The following DDX52 variants were observed in gnomAD, a reference collection of about 807,000 sequenced individuals.
DDX52 encodes the protein probable ATP-dependent RNA helicase DDX52.
Under a neutral mutation model 76.1 loss-of-function variants are expected in DDX52, and 59 were observed. The observed-to-expected ratio is 0.78, with a 90% confidence interval of 0.63 to 0.96. DDX52 has a LOEUF of 0.96. Among genes scored for constraint, DDX52 ranks in the 40% least tolerant of loss-of-function variants. The pLI is 0.00. For missense variants in DDX52, 707 were observed against 703.9 expected (o/e 1.00, Z -0.05); for synonymous variants, 231 against 244.1 (o/e 0.95, Z 0.50).
intron 13 of DDX52, 64 bp downstream of exon 13, chr17:37,619,704 A>G (rs78080022): frequency 7.0e-7 from 1 of 1,419,098 alleles, no homozygotes; most frequent in South Asian, 1.3e-5. Flanking sequence ...AGAGCAAGAA[A>G]AAAAAAAAAA....
Position 37,611,446 on chromosome 17 carries a change from T to C in DDX52, c.*2850A>G, listed in dbSNP as rs1428050991. The C allele has an allele frequency of 6.6e-6, 1 of 152,200 alleles. No individual in the cohort carries two copies. The highest frequency in any genetic ancestry group is 1.5e-5 in the Non-Finnish European group (1 of 68,040). The allele number at this position is 152,200 out of a possible 1,614,324, so 9.4% of individuals were successfully genotyped here. ...GAAATAAAGTATTTTTCTACAGCTG[T>C]ACATTTGCATTTTAGGCTAAGTGTT... On this transcript the variant is annotated 3_prime_UTR_variant, in exon 15 of 15. Coordinates refer to ENST00000617633, the MANE Select transcript of DDX52 (RefSeq NM_007010.5).
At chr17:37,632,685 G>C (rs1352291322) in intron 3 of DDX52, among the ~76,000 whole-genome samples, 1 of 152,168 alleles carries the variant, frequency 6.6e-6, no homozygotes, top group Non-Finnish European at 1.5e-5. Flanking sequence ...GAGTCTAGTA[G>C]TGTTGATTTG....
chr17:37,628,530 T>A, intron 6 of DDX52, 31 bp downstream of exon 6: 3 of 1,488,428 alleles, frequency 2.0e-6, no homozygotes, highest in Non-Finnish European at 2.8e-6. Flanking sequence ...CCTTACATGC[T>A]CTATCTACAT....
chr17:37,624,300 C>T, intron 9 of DDX52, 44 bp downstream of exon 9: 4 of 1,514,218 alleles, frequency 2.6e-6, no homozygotes, highest in Non-Finnish European at 3.6e-6. Flanking sequence ...TAATATAAGA[C>T]TTGGCAAACT....
Position 37,642,127 on chromosome 17 carries a change from C to T in DDX52, c.269G>A (p.Arg90Lys), listed in dbSNP as rs2031228900. 2 of 1,613,204 alleles carry T rather than the reference C, an allele frequency of 1.2e-6. No homozygotes were observed. The highest frequency in any genetic ancestry group is 1.7e-6 in the Non-Finnish European group (2 of 1,179,846). ...ACACTAACCTGAAGTCATCGTCTTC[C>T]TTTTTTTCTTGCTCTGCTCCCTCTT... ...ERKREQSKKK[R>K]KTMTSEIASQ... Residue 90 changes from arginine to lysine, a missense_variant, in exon 2 of 15, where the codon AGG becomes AAG. Arg to Lys is a conservative substitution (Grantham distance 26). Coordinates refer to ENST00000617633, the MANE Select transcript of DDX52 (RefSeq NM_007010.5).
Position 37,626,110 on chromosome 17 carries a change from C to A in DDX52, c.933-12G>T. The A allele has an allele frequency of 6.2e-7, 1 of 1,613,806 alleles. No individual in the cohort carries two copies. Among genetic ancestry groups the A allele is most frequent in the Non-Finnish European group, 8.5e-7 (1 of 1,179,820 alleles). On this transcript the variant is annotated splice_polypyrimidine_tract_variant and intron_variant, in intron 7 of 14. Transcript: ENST00000617633. ...CAAGCCACTCAACACTAAGAAATAA[C>A]AAAACAACTTGTGGATACTGAACTG...
Position 37,643,393 on chromosome 17 carries a change from G to A in DDX52, c.28C>T (p.Leu10Phe). Reference sequence around the variant, plus strand: ...GTGTCGAATTTGGCCCCCGCGCCGAGCCGGCGAAAGAGATCGTGGACGTCC... The same window carrying A: ...GTGTCGAATTTGGCCCCCGCGCCGAACCGGCGAAAGAGATCGTGGACGTCC... MDVHDLFRR[L>F]GAGAKFDTRR... The change falls in exon 1 of 15, where the codon CTC becomes TTC. Residue 10 changes from leucine (L) to phenylalanine (F), a missense_variant. By Grantham distance (22) the Leu-to-Phe change is conservative. Transcript: ENST00000617633. 2 of 1,614,012 alleles carry A rather than the reference G, an allele frequency of 1.2e-6. No individual in the cohort carries two copies. Among genetic ancestry groups the A allele is most frequent in the Non-Finnish European group, 1.7e-6 (2 of 1,179,928 alleles).
At chr17:37,622,937 T>A (rs897806075) in intron 9 of DDX52, among the ~76,000 whole-genome samples, 6 of 152,206 alleles carry the variant, frequency 3.9e-5, no homozygotes, top group Non-Finnish European at 7.3e-5. Context: ...GATATTATTA[T>A]CCCATTTTAC....
At position 37,643,394 on chromosome 17, in the gene DDX52, C is replaced by T. The variant is rs377283399; in HGVS notation, c.27G>A (p.Arg9=). The T allele has an allele frequency of 3.8e-5, 61 of 1,613,850 alleles. No homozygotes were observed. Among genetic ancestry groups the T allele is most frequent in the Non-Finnish European group, 4.7e-5 (55 of 1,179,910 alleles). ...TGTCGAATTTGGCCCCCGCGCCGAG[C>T]CGGCGAAAGAGATCGTGGACGTCCA... MDVHDLFR[R]LGAGAKFDTR... is the part of the protein sequence containing the mutation. The change falls in exon 1 of 15, where the codon CGG becomes CGA. Residue 9 remains arginine, a synonymous_variant. Transcript: ENST00000617633.
At chr17:37,638,712 A>C (rs2031042642) in intron 2 of DDX52, among the ~76,000 whole-genome samples, 1 of 152,150 alleles carries the variant, frequency 6.6e-6, no homozygotes, top group Non-Finnish European at 1.5e-5. Flanking sequence ...ACAGGGTCAA[A>C]GATTTTAATA....
chr17:37,633,926 G>A (rs1598764914), intron 2 of DDX52, among the ~76,000 whole-genome samples: 2 of 148,794 alleles, frequency 1.3e-5, no homozygotes, highest in African/African-American at 4.9e-5. Flanking sequence ...CTTAAACAAT[G>A]ATAAATTTCT....
At chr17:37,643,232 G>T in intron 1 of DDX52, 102 bp downstream of exon 1, 1 of 1,276,790 alleles carries the variant, frequency 7.8e-7, no homozygotes, top group Non-Finnish European at 1.1e-6. Context: ...CGAGAGCCAG[G>T]CCACGGGTGT....
In DDX52 at chr17:37,611,379, CAAAA is replaced by C. The variant is rs1033061369; in HGVS notation, c.*2913_*2916del. On this transcript the variant is annotated 3_prime_UTR_variant, in exon 15 of 15. Coordinates refer to ENST00000617633, the MANE Select transcript of DDX52 (RefSeq NM_007010.5). The stretch of plus-strand genomic sequence containing the variant: ...TAAATAGTAAAACAAAACAAACAAA[CAAAA>C]ATTAATAGAAAAAAAGCTTCTAGAA... 9 of 151,076 alleles carry C rather than the reference CAAAA, an allele frequency of 6.0e-5. No individual in the cohort carries two copies. The highest frequency in any genetic ancestry group is 2.2e-4 in the African/African-American group (9 of 40,822). The allele number at this position is 151,076 out of a possible 1,614,324, so 9.4% of individuals were successfully genotyped here. A position where few individuals can be genotyped will look rare whatever the true frequency, so the allele number is the denominator to read the frequency against.
chr17:37,611,770 C>G lies in DDX52; in HGVS notation c.*2526G>C, dbSNP rs1370268607. 3.4e-5 allele frequency: 5 copies of G among 146,512 alleles called. No homozygotes were observed. Among genetic ancestry groups the G allele is most frequent in the African/African-American group, 1.3e-4 (5 of 39,714 alleles). The allele number at this position is 146,512 out of a possible 1,614,324, so 9.1% of individuals were successfully genotyped here. ...AAAAAAAAAAATCTAAAAAACCCAA[C>G]TGGACAACAAGCAAGACCTCGTCTC... On this transcript the variant is annotated 3_prime_UTR_variant, in exon 15 of 15. Coordinates refer to ENST00000617633, the MANE Select transcript of DDX52 (RefSeq NM_007010.5).
intron 3 of DDX52, among the ~76,000 whole-genome samples, 158 bp downstream of exon 3, chr17:37,633,125 ACTTTG>A (rs1004245193): frequency 6.6e-6 from 1 of 152,254 alleles, no homozygotes; most frequent in African/African-American, 2.4e-5. Flanking sequence ...ACAAATGCCT[ACTTTG>A]CTTTAAGTTT....
At chr17:37,620,057 A>G in intron 12 of DDX52, 1 of 451,236 alleles carries the variant, frequency 2.2e-6, no homozygotes, top group East Asian at 3.4e-5. Flanking sequence ...AACTATAGAT[A>G]GCAGCTATTT....
At position 37,632,011 on chromosome 17, in the gene DDX52, G is replaced by C. The variant is rs183772667; in HGVS notation, c.603+102C>G. 8 of 1,516,604 alleles carry C rather than the reference G, an allele frequency of 5.3e-6. No homozygotes were observed. In the Admixed American group the frequency reaches 1.4e-4, roughly 26 times the overall value. The allele number at this position is 1,516,604 out of a possible 1,614,324, so 93.9% of individuals were successfully genotyped here. On this transcript the variant is annotated intron_variant, in intron 4 of 14. Transcript: ENST00000617633. Reference sequence around the variant, plus strand: ...TAAAAGGAAGTGAAGGATTTTAACAGGGGAGATAAGGTGGAAAGAAAGAGT... The same window carrying C: ...TAAAAGGAAGTGAAGGATTTTAACACGGGAGATAAGGTGGAAAGAAAGAGT...
chr17:37,611,717 G>C lies in DDX52; in HGVS notation c.*2579C>G, dbSNP rs1019403290. 4 of 122,408 alleles carry C rather than the reference G, an allele frequency of 3.3e-5. No individual in the cohort carries two copies. Among genetic ancestry groups the C allele is most frequent in the Admixed American group, 2.0e-4 (2 of 9,770 alleles). The allele number at this position is 122,408 out of a possible 1,614,324, so 7.6% of individuals were successfully genotyped here. The stretch of plus-strand genomic sequence containing the variant: ...CCACTGCACTCCAGCCTGGGCAACA[G>C]AGCAAGACTCCATCTCCAAAAAAAA... On this transcript the variant is annotated 3_prime_UTR_variant, in exon 15 of 15. Transcript: ENST00000617633.
chr17:37,638,287 C>CA (rs969220123), intron 2 of DDX52, among the ~76,000 whole-genome samples: 44 of 151,852 alleles, frequency 2.9e-4, no homozygotes, highest in African/African-American at 9.9e-4. Context: ...GAAATTTCTA[C>CA]AAAAAAAATT....
Sources: allele counts gnomAD v4.1 joint callset (sites outside exome capture counted in the v4.1 genomes callset), GRCh38; gene constraint gnomAD v4.1.1; transcripts MANE v1.5; gene names NCBI Gene and HGNC (gene_info 2026-07-23, HGNC 2026-07-21).